Variants in CACNA2D1 observed in about 807,000 individuals in gnomAD.
CACNA2D1 encodes calcium voltage-gated channel auxiliary subunit alpha2delta 1, also known as voltage-dependent calcium channel subunit alpha-2/delta-1.
Under a neutral mutation model 171.5 loss-of-function variants are expected in CACNA2D1, and 53 were observed. The observed-to-expected ratio is 0.31, with a 90% CI of 0.25 to 0.39. The LOEUF (loss-of-function observed/expected upper bound fraction) is 0.39, where lower values mean the gene tolerates loss of function less well. Among genes scored for constraint, CACNA2D1 ranks in the 10% least tolerant of loss-of-function variants. The pLI, the probability that CACNA2D1 is intolerant of heterozygous loss-of-function variation, is 1.00. For synonymous variants in CACNA2D1, 442 were observed against 443.1 expected (o/e 1.00, Z 0.03); for missense variants, 903 against 1,299.8 (o/e 0.69, Z 4.69).
chr7:82,119,181 C>T (rs1363083889), intron 5 of CACNA2D1, among the ~76,000 whole-genome samples: 2 of 152,126 alleles, frequency 1.3e-5, no homozygotes, highest in Admixed American at 6.6e-5. Context: ...CAAGAAAGAA[C>T]ATCTATGTCT....
intron 1 of CACNA2D1, among the ~76,000 whole-genome samples, chr7:82,380,042 C>T (rs573259209): frequency 2.6e-4 from 40 of 152,200 alleles, no homozygotes; most frequent in African/African-American, 8.9e-4. Context: ...TCCCATAACC[C>T]ACCTTCTCTC....
At chr7:82,231,812 T>C (rs17156049) in intron 3 of CACNA2D1, among the ~76,000 whole-genome samples, 5,793 of 152,260 alleles carry the variant, frequency 0.038, 302 homozygotes, top group African/African-American at 0.11. Flanking sequence ...GTAAAGTCTT[T>C]GTTCAAATGC....
Position 81,969,935 on chromosome 7 carries a change from A to G in CACNA2D1, c.2254T>C (p.Tyr752His), listed in dbSNP as rs1795090976. 1 of 1,608,942 alleles carries G rather than the reference A, an allele frequency of 6.2e-7. No homozygotes were observed. Among genetic ancestry groups the G allele is most frequent in the African/African-American group, 1.3e-5 (1 of 74,664 alleles). The part of the protein sequence containing the change: ...ENPETYEDSF[Y>H]KRSLDNDNYV... The stretch of plus-strand genomic sequence containing the variant: ...TTATCATTATCTAGGCTCCTTTTAT[A>G]GAAGCTGTCCTCATATGTCTCTGGG... Residue 752 changes from tyrosine (Y) to histidine (H), a missense_variant, in exon 28 of 39, where the codon TAT (tyrosine) becomes CAT (histidine). Coordinates refer to ENST00000356860, the MANE Select transcript of CACNA2D1 (RefSeq NM_000722.4).
chr7:82,383,027 A>T (rs1182680197), intron 1 of CACNA2D1, among the ~76,000 whole-genome samples: 1 of 152,168 alleles, frequency 6.6e-6, no homozygotes, highest in Admixed American at 6.5e-5. Context: ...TCAGCTCCAC[A>T]GTTGTAAAAG....
intron 3 of CACNA2D1, among the ~76,000 whole-genome samples, chr7:82,259,639 T>C (rs1431224160): frequency 6.6e-6 from 1 of 152,122 alleles, no homozygotes; most frequent in African/African-American, 2.4e-5. Flanking sequence ...ACACAAATAT[T>C]GGAAGGATAA....
intron 1 of CACNA2D1, among the ~76,000 whole-genome samples, chr7:82,430,234 T>C (rs544149042): frequency 2.6e-5 from 4 of 152,090 alleles, no homozygotes; most frequent in African/African-American, 9.6e-5. Flanking sequence ...CTGGCCAATA[T>C]GGTGAACCCC....
chr7:82,038,096 G>C lies in CACNA2D1; in HGVS notation c.1019C>G (p.Ala340Gly). 1 of 1,613,526 alleles carries C rather than the reference G, an allele frequency of 6.2e-7. No individual in the cohort carries two copies. Among genetic ancestry groups the C allele is most frequent in the Non-Finnish European group, 8.5e-7 (1 of 1,179,828 alleles). ...ITDYKKGFSFAFEQLLNYNVS... is the reference protein window; with the variant it reads ...ITDYKKGFSFGFEQLLNYNVS... ...ACTTACATTAAGCAGCTGTTCAAAA[G>C]CAAAACTAAAGCCCTTCTTATAATC... Residue 340 changes from alanine to glycine, a missense_variant, in exon 11 of 39, where the codon GCT becomes GGT. By Grantham distance (60) the Ala-to-Gly change is moderately conservative. Coordinates refer to ENST00000356860, the MANE Select transcript of CACNA2D1 (RefSeq NM_000722.4).
At chr7:82,047,915 A>T (rs1246572528) in intron 10 of CACNA2D1, among the ~76,000 whole-genome samples, 2 of 152,166 alleles carry the variant, frequency 1.3e-5, no homozygotes, top group African/African-American at 4.8e-5. Context: ...CCTCTCTATC[A>T]CGCAGTATTT....
chr7:82,285,583 T>G (rs1474946225), intron 3 of CACNA2D1, among the ~76,000 whole-genome samples: 1 of 152,006 alleles, frequency 6.6e-6, no homozygotes, highest in Non-Finnish European at 1.5e-5. Flanking sequence ...TATGGTAGCT[T>G]TGGGTTGCAG....
intron 3 of CACNA2D1, among the ~76,000 whole-genome samples, chr7:82,177,863 AAC>A (rs1283657616): frequency 1.3e-5 from 2 of 152,102 alleles, no homozygotes; most frequent in Non-Finnish European, 2.9e-5. Context: ...AAGATGACTA[AAC>A]ACTGTTTATA....
chr7:82,196,144 C>T (rs904654235), intron 3 of CACNA2D1, among the ~76,000 whole-genome samples: 1 of 152,048 alleles, frequency 6.6e-6, no homozygotes, highest in Non-Finnish European at 1.5e-5. Context: ...TATTACATAG[C>T]TTCAAAGTAG....
intron 10 of CACNA2D1, among the ~76,000 whole-genome samples, chr7:82,055,795 G>A (rs895350939): frequency 4.2e-5 from 6 of 142,318 alleles, no homozygotes; most frequent in African/African-American, 1.6e-4. Flanking sequence ...GATAGCATTA[G>A]GAGATATACC....
chr7:82,175,298 A>G (rs1796447290), intron 3 of CACNA2D1, among the ~76,000 whole-genome samples: 1 of 152,050 alleles, frequency 6.6e-6, no homozygotes, highest in Admixed American at 6.6e-5. Flanking sequence ...ACTAAATTTC[A>G]AAACAATTTC....
At chr7:82,242,587 C>T (rs923030589) in intron 3 of CACNA2D1, among the ~76,000 whole-genome samples, 2 of 152,090 alleles carry the variant, frequency 1.3e-5, no homozygotes, top group South Asian at 2.1e-4. Context: ...ATATGCTAAC[C>T]GGCATTCAGT....
intron 3 of CACNA2D1, among the ~76,000 whole-genome samples, chr7:82,287,652 C>T (rs572144528): frequency 7.9e-5 from 12 of 152,094 alleles, no homozygotes; most frequent in Admixed American, 2.0e-4. Flanking sequence ...TCTGGGATAC[C>T]ATAGTATGAT....
chr7:82,121,966 A>T (rs1789790307), intron 5 of CACNA2D1, among the ~76,000 whole-genome samples: 1 of 152,160 alleles, frequency 6.6e-6, no homozygotes, highest in Non-Finnish European at 1.5e-5. Context: ...TGAAAAGTAA[A>T]TTTATAACAT....
At chr7:81,968,789 T>A in intron 29 of CACNA2D1, 98 bp downstream of exon 29, 1 of 761,174 alleles carries the variant, frequency 1.3e-6, no homozygotes, top group African/African-American at 1.7e-5. Context: ...GTTTGACACC[T>A]TTTGATGACC....
chr7:82,355,691 ATAT>A (rs1322103665), intron 1 of CACNA2D1, among the ~76,000 whole-genome samples: 2 of 151,842 alleles, frequency 1.3e-5, no homozygotes, highest in Non-Finnish European at 2.9e-5. Context: ...CTCTTCTTTT[ATAT>A]TATTATCATC....
At chr7:82,399,616 TAC>T (rs901473898) in intron 1 of CACNA2D1, among the ~76,000 whole-genome samples, 43 of 152,142 alleles carry the variant, frequency 2.8e-4, no homozygotes, top group African/African-American at 1.0e-3. Flanking sequence ...ATCTTGTATT[TAC>T]AGTTTTAAAT....
Sources: allele counts gnomAD v4.1 joint callset (sites outside exome capture counted in the v4.1 genomes callset), GRCh38; gene constraint gnomAD v4.1.1; transcripts MANE v1.5; gene names NCBI Gene and HGNC (gene_info 2026-07-23, HGNC 2026-07-21).